Variants in FADS2 observed in about 807,000 individuals in gnomAD.
FADS2 encodes acyl-CoA 6-desaturase.
Under a neutral mutation model 61.2 loss-of-function variants are expected in FADS2, and 18 were observed. The ratio of observed to expected loss-of-function variants is 0.29; its 90% CI spans 0.20 to 0.44. The LOEUF is 0.44. Ranked by LOEUF, FADS2 falls within the 20% of genes least tolerant of loss-of-function variation. The pLI is 1.00. For missense variants in FADS2, 322 were observed against 572.7 expected, an observed-to-expected ratio of 0.56 and a Z score of 4.47; for synonymous variants, 203 against 223.9, an observed-to-expected ratio of 0.91 and a Z score of 0.83.
Position 61,848,153 on chromosome 11 carries a change from C to T in FADS2, c.619-6C>T. On this transcript the variant is annotated splice_polypyrimidine_tract_variant and splice_region_variant and intron_variant, in intron 4 of 11. Transcript: ENST00000278840. ...ATGGCTCATCCCCACCCCTCTCTCCCCACAGGGTGCCTCTGCCAACTGGTG... is the reference window on the plus strand; with the variant it reads ...ATGGCTCATCCCCACCCCTCTCTCCTCACAGGGTGCCTCTGCCAACTGGTG... 1 of 1,614,118 alleles carries T rather than the reference C, an allele frequency of 6.2e-7. No homozygotes were observed. Among genetic ancestry groups the T allele is most frequent in the Non-Finnish European group, 8.5e-7 (1 of 1,179,978 alleles).
At chr11:61,858,881 C>T (rs971401792) in intron 7 of FADS2, among the ~76,000 whole-genome samples, 1 of 152,170 alleles carries the variant, frequency 6.6e-6, no homozygotes, top group Non-Finnish European at 1.5e-5. Flanking sequence ...CTGCACCCGG[C>T]AGATAAATTG....
At chr11:61,837,499 C>A (rs1158746908) in intron 1 of FADS2, among the ~76,000 whole-genome samples, 1 of 152,224 alleles carries the variant, frequency 6.6e-6, no homozygotes, top group Non-Finnish European at 1.5e-5. Flanking sequence ...ATTTCCCGAC[C>A]TGCCCAAAGG....
chr11:61,865,530 G>A lies in FADS2; in HGVS notation c.1284-108G>A. The A allele has an allele frequency of 8.9e-7, 1 of 1,118,236 alleles. No individual in the cohort carries two copies. Among genetic ancestry groups the A allele is most frequent in the Admixed American group, 2.0e-5 (1 of 49,838 alleles). The allele number at this position is 1,118,236 out of a possible 1,614,324, so 69.3% of individuals were successfully genotyped here. On this transcript the variant is annotated intron_variant, in intron 11 of 11. Coordinates refer to ENST00000278840, the MANE Select transcript of FADS2 (RefSeq NM_004265.4). This position sits in a 1 kb window ranked among gnomAD's most constrained non-coding sequence, Gnocchi z 4.1. ...AGTGGCAGTGGTAAGCCCTGGTTAG[G>A]GCCAAGGGGACATACATGCCACCTT...
chr11:61,863,396 G>T lies in FADS2; in HGVS notation c.1077+18G>T, dbSNP rs372673894. 29 of 1,550,738 alleles carry T rather than the reference G, an allele frequency of 1.9e-5. No homozygotes were observed. The South Asian group carries it at 3.1e-4, about 17-fold the overall frequency. On this transcript the variant is annotated intron_variant, in intron 9 of 11. Transcript: ENST00000278840. ...GTAGCCAGGTAGGGAAGTCAGGGCC[G>T]GTCACCAGAGCCTGGTCCCAATGTC...
At chr11:61,859,738 G>T (rs2067396993) in intron 7 of FADS2, among the ~76,000 whole-genome samples, 1 of 151,744 alleles carries the variant, frequency 6.6e-6, no homozygotes, top group African/African-American at 2.4e-5. Context: ...TGTTATCCCA[G>T]CACTTTGAGA....
chr11:61,864,626 C>G (rs192778396), intron 10 of FADS2, among the ~76,000 whole-genome samples: 9 of 152,110 alleles, frequency 5.9e-5, no homozygotes, highest in African/African-American at 2.2e-4. Context: ...AACTCCTAGC[C>G]TCAAGTGATC....
At chr11:61,825,659 G>A (rs554161938), upstream of FADS2, among the ~76,000 whole-genome samples, 99 of 150,674 alleles carry the variant, frequency 6.6e-4, no homozygotes, top group African/African-American at 2.2e-3. Context: ...TTGGGAGGCC[G>A]AGGCAGGTGG....
At chr11:61,826,789 C>T (rs551217545), upstream of FADS2, among the ~76,000 whole-genome samples, 6 of 151,948 alleles carry the variant, frequency 3.9e-5, no homozygotes, top group East Asian at 3.9e-4. Flanking sequence ...AGCCCATCTG[C>T]CCCCCCAAGT....
chr11:61,818,964 A>C (rs1464864199), intron 1 of FADS2, among the ~76,000 whole-genome samples: 1 of 151,560 alleles, frequency 6.6e-6, no homozygotes, highest in East Asian at 1.9e-4. Context: ...TCCACCTCCC[A>C]GGTTCATGGC....
At position 61,830,344 on chromosome 11, in the gene FADS2, C is replaced by T. The variant is rs149157089; in HGVS notation, c.207+1747C>T. On this transcript the variant is annotated intron_variant, in intron 1 of 11. Coordinates refer to ENST00000278840, the MANE Select transcript of FADS2 (RefSeq NM_004265.4). ...TGTTAAACATATTTTCTTATGTGAA[C>T]GCTTAGTCTGGCAATTGCCTTGACC... Among the ~76,000 whole-genome samples, 41 of 152,314 alleles carry T rather than the reference C, an allele frequency of 2.7e-4. No individual in the cohort carries two copies. The East Asian group carries it at 6.0e-3, about 22-fold the overall frequency.
At position 61,857,646 on chromosome 11, in the gene FADS2, A is replaced by G; in HGVS notation, c.882+116A>G. 8.6e-6 allele frequency: 7 copies of G among 811,592 alleles called. No homozygotes were observed. In the South Asian group the frequency reaches 9.7e-5, roughly 11 times the overall value. The allele number at this position is 811,592 out of a possible 1,614,324, so 50.3% of individuals were successfully genotyped here. On this transcript the variant is annotated intron_variant, in intron 7 of 11. Coordinates refer to ENST00000278840, the MANE Select transcript of FADS2 (RefSeq NM_004265.4). ...CAGTGGAGCCTGTGGGGCCCCAGGC[A>G]TCTCCTCCCTGGGGTAGCTGCCTCT... is the stretch of plus-strand genomic sequence containing the variant.
chr11:61,851,902 A>T (rs973088559), intron 5 of FADS2, among the ~76,000 whole-genome samples: 2 of 152,242 alleles, frequency 1.3e-5, no homozygotes, highest in African/African-American at 4.8e-5. Context: ...CACTTTACCC[A>T]GAGATTCATT....
chr11:61,838,027 T>A (rs174578), intron 2 of FADS2, 139 bp downstream of exon 2: 236,398 of 652,516 alleles, frequency 0.36, 46,733 homozygotes, highest in Admixed American at 0.62. Flanking sequence ...GCCACTGTGG[T>A]TCACCTGTGT....
intron 5 of FADS2, chr11:61,848,544 A>AC (rs776612441): frequency 3.5e-4 from 185 of 526,792 alleles, no homozygotes; most frequent in Admixed American, 1.3e-4. Flanking sequence ...TCTCCTAGGT[A>AC]CCCTGAATTG....
In FADS2 at chr11:61,863,700, C is replaced by T. The variant is rs1464424309; in HGVS notation, c.1078-7C>T. On this transcript the variant is annotated splice_polypyrimidine_tract_variant and splice_region_variant and intron_variant, in intron 9 of 11. Transcript: ENST00000278840. Reference sequence around the variant, plus strand: ...TGTTCCCTGACACTCATCCCCTCCACTGACAGCTGACAGCCACCTGCAACG... The same window carrying T: ...TGTTCCCTGACACTCATCCCCTCCATTGACAGCTGACAGCCACCTGCAACG... 2.5e-6 allele frequency: 4 copies of T among 1,613,216 alleles called. No individual in the cohort carries two copies. The African/African-American group carries it at 4.0e-5, about 16-fold the overall frequency.
chr11:61,862,655 T>A, intron 7 of FADS2: 1 of 349,728 alleles, frequency 2.9e-6, no homozygotes, highest in Non-Finnish European at 5.3e-6. Flanking sequence ...ACCTTCAGAA[T>A]CGCCCTTGCC....
intron 1 of FADS2, among the ~76,000 whole-genome samples, chr11:61,833,774 C>T (rs540929481): frequency 6.6e-6 from 1 of 152,320 alleles, no homozygotes; most frequent in South Asian, 2.1e-4. Flanking sequence ...AGGCAGAAGC[C>T]AAGTTGTGTG....
chr11:61,865,596 C>A lies in FADS2; in HGVS notation c.1284-42C>A. ...AGCCCTTGCACTCCCTGGGGCCACTCCCGTCCTGGTCCCTGACCCTGGTCC... is the reference window on the plus strand; with the variant it reads ...AGCCCTTGCACTCCCTGGGGCCACTACCGTCCTGGTCCCTGACCCTGGTCC... On this transcript the variant is annotated intron_variant, in intron 11 of 11. Transcript: ENST00000278840. This position sits in a 1 kb window ranked among gnomAD's most constrained non-coding sequence, Gnocchi z 4.1. 6.3e-7 allele frequency: 1 copy of A among 1,594,930 alleles called. No individual in the cohort carries two copies. The highest frequency in any genetic ancestry group is 8.6e-7 in the Non-Finnish European group (1 of 1,164,600).
chr11:61,834,152 G>C (rs538339988), intron 1 of FADS2, among the ~76,000 whole-genome samples: 1 of 152,224 alleles, frequency 6.6e-6, no homozygotes, highest in South Asian at 2.1e-4. Flanking sequence ...GCTGAGTCCC[G>C]AATGGAGGCA....
Sources: gnomAD v4.1 joint callset for allele counts (sites outside exome capture counted in the v4.1 genomes callset) on GRCh38, gnomAD v4.1.1 for gene constraint, Gnocchi (gnomAD v3.1) non-coding constraint, MANE v1.5 for transcripts, NCBI Gene and HGNC (gene_info 2026-07-23, HGNC 2026-07-21) for gene names.